PPEF1: variants seen among roughly 807,000 people sequenced by gnomAD.
The protein encoded by PPEF1 is protein phosphatase with EF-hand domain 1.
In PPEF1, 12 loss-of-function variants were observed where a neutral mutation model predicts 53.3. The observed-to-expected ratio is 0.23, with a 90% CI of 0.14 to 0.36. The LOEUF is 0.36. Among genes scored for constraint, PPEF1 ranks in the 10% least tolerant of loss-of-function variants. PPEF1 has a pLI of 1.00. For synonymous variants in PPEF1, 165 were observed against 176.7 expected, an observed-to-expected ratio of 0.93 and a Z score of 0.52; for missense variants, 334 against 490.4, an observed-to-expected ratio of 0.68 and a Z score of 3.01.
At chrX:18,721,684 A>C (rs1281783791) in intron 1 of PPEF1, among the ~76,000 whole-genome samples, 1 of 111,619 alleles carries the variant, frequency 9.0e-6, no homozygotes, top group East Asian at 2.8e-4. Context: ...TCTCAATGAC[A>C]AAGTCAGAAC....
intron 1 of PPEF1, among the ~76,000 whole-genome samples, chrX:18,726,351 C>CAAATAAATAAATAAATAAAT (rs557593698): frequency 1.1e-5 from 1 of 94,753 alleles, no homozygotes. Flanking sequence ...GACTCTGACT[C>CAAATAAATAAATAAATAAAT]AAATAAATAA....
chrX:18,768,328 A>G (rs1419081483), intron 6 of PPEF1, among the ~76,000 whole-genome samples: 2 of 112,190 alleles, frequency 1.8e-5, no homozygotes, highest in Non-Finnish European at 3.8e-5. Context: ...TTGAATTAAG[A>G]CAAAATTTTA....
intron 10 of PPEF1, among the ~76,000 whole-genome samples, chrX:18,795,288 C>T (rs1172114478): frequency 8.9e-5 from 10 of 111,967 alleles, no homozygotes; most frequent in South Asian, 3.7e-4. Flanking sequence ...CCAGCCTGGG[C>T]GACAGAGTGG....
At chrX:18,756,740 T>C (rs1309272045) in intron 4 of PPEF1, among the ~76,000 whole-genome samples, 2 of 112,619 alleles carry the variant, frequency 1.8e-5, no homozygotes, top group Non-Finnish European at 3.7e-5. Context: ...GAGAAATTAT[T>C]TTCATAATAA....
chrX:18,797,791 T>A (rs762881512), intron 10 of PPEF1, among the ~76,000 whole-genome samples: 15 of 111,539 alleles, frequency 1.3e-4, no homozygotes, highest in African/African-American at 4.9e-4. Context: ...AAGCTCCGCC[T>A]CCCGGGCTCA....
chrX:18,765,671 G>A (rs1355903482), intron 6 of PPEF1, among the ~76,000 whole-genome samples: 2 of 111,472 alleles, frequency 1.8e-5, no homozygotes, highest in African/African-American at 6.5e-5. Flanking sequence ...AATATCATTA[G>A]TATTTTCAAC....
At chrX:18,794,128 C>G (rs1464052305) in intron 10 of PPEF1, among the ~76,000 whole-genome samples, 1 of 113,063 alleles carries the variant, frequency 8.8e-6, no homozygotes, top group Non-Finnish European at 1.9e-5. Flanking sequence ...ACAGTCTGAT[C>G]CGATTAAAGT....
At chrX:18,727,893 A>G (rs1439457143) in intron 1 of PPEF1, among the ~76,000 whole-genome samples, 1 of 112,050 alleles carries the variant, frequency 8.9e-6, no homozygotes, top group Non-Finnish European at 1.9e-5. Flanking sequence ...GCAAGGGGGA[A>G]GGGGCAGGCC....
At chrX:18,806,994 G>GT (rs1193219726) in intron 12 of PPEF1, among the ~76,000 whole-genome samples, 13 of 52,755 alleles carry the variant, frequency 2.5e-4, no homozygotes, top group African/African-American at 4.0e-4. Context: ...CTTTCTAAGT[G>GT]TTTTTTTTGG....
intron 9 of PPEF1, among the ~76,000 whole-genome samples, chrX:18,785,557 T>C (rs1401622512): frequency 9.1e-6 from 1 of 110,015 alleles, no homozygotes; most frequent in African/African-American, 3.3e-5. Flanking sequence ...TTGTAATTAT[T>C]AATAGCACCT....
intron 2 of PPEF1, among the ~76,000 whole-genome samples, chrX:18,685,482 G>A (rs1021082278): frequency 9.0e-6 from 1 of 110,652 alleles, no homozygotes; most frequent in African/African-American, 3.3e-5. Context: ...TCAGGAGATC[G>A]AGACCATCCT....
intron 1 of PPEF1, among the ~76,000 whole-genome samples, chrX:18,677,456 C>G (rs1203461232): frequency 8.9e-6 from 1 of 111,859 alleles, no homozygotes; most frequent in African/African-American, 3.2e-5. Context: ...CCTACCCTGC[C>G]CCTGAACATG....
intron 1 of PPEF1, among the ~76,000 whole-genome samples, chrX:18,684,621 CTCTT>C (rs1297870633): frequency 5.6e-5 from 6 of 107,303 alleles, no homozygotes; most frequent in Admixed American, 5.1e-4. Context: ...TTTTCTCTCT[CTCTT>C]TTTTTTTTTT....
At chrX:18,723,613 A>T (rs1252382715) in intron 1 of PPEF1, among the ~76,000 whole-genome samples, 1 of 111,388 alleles carries the variant, frequency 9.0e-6, no homozygotes, top group East Asian at 2.8e-4. Context: ...GCAATGAAAA[A>T]AATGAAGTTC....
chrX:18,746,153 T>C (rs2045325289), intron 3 of PPEF1, among the ~76,000 whole-genome samples: 1 of 112,143 alleles, frequency 8.9e-6, no homozygotes, highest in South Asian at 3.7e-4. Flanking sequence ...GTTGACAAAA[T>C]TGTAAACCAA....
intron 1 of PPEF1, among the ~76,000 whole-genome samples, chrX:18,677,524 C>T (rs1415959610): frequency 8.9e-6 from 1 of 111,946 alleles, no homozygotes; most frequent in East Asian, 2.8e-4. Context: ...GACTGCTTAG[C>T]TCAAGTGAAC....
At chrX:18,821,794 AGAGAGAGAG>A (rs528095249) in intron 13 of PPEF1, among the ~76,000 whole-genome samples, 207 of 18,109 alleles carry the variant, frequency 0.011, 2 homozygotes, top group African/African-American at 0.049. Flanking sequence ...AGAGAGAGAG[AGAGAGAGAG>A]AAAACAAATA....
chrX:18,810,585 G>A (rs762045722), intron 12 of PPEF1, among the ~76,000 whole-genome samples: 1 of 112,029 alleles, frequency 8.9e-6, no homozygotes, highest in South Asian at 3.7e-4. Flanking sequence ...TGTCTCTATG[G>A]ATTTGCCTAT....
intron 6 of PPEF1, among the ~76,000 whole-genome samples, chrX:18,776,556 C>G (rs188486558): frequency 9.0e-6 from 1 of 111,425 alleles, no homozygotes; most frequent in East Asian, 2.8e-4. Flanking sequence ...TTTTGATGAA[C>G]GATAGCCTGT....
Sources: gnomAD v4.1 joint callset for allele counts (sites outside exome capture counted in the v4.1 genomes callset) on GRCh38, gnomAD v4.1.1 for gene constraint, MANE v1.5 for transcripts, NCBI Gene and HGNC (gene_info 2026-07-23, HGNC 2026-07-21) for gene names.